Variants in MYO5B observed in about 807,000 individuals in gnomAD.
MYO5B encodes myosin VB.
Under a neutral mutation model 229.3 loss-of-function variants are expected in MYO5B, and 143 were observed. The ratio of observed to expected loss-of-function variants is 0.62; its 90% confidence interval spans 0.54 to 0.72. The LOEUF is 0.72. MYO5B is among the 30% of genes least tolerant of loss of function. The pLI, the probability that MYO5B is intolerant of heterozygous loss-of-function variation, is 0.00. For missense variants in MYO5B, 2,321 were observed against 2,331.0 expected (o/e 1.00, Z 0.09); for synonymous variants, 918 against 885.2 (o/e 1.04, Z -0.66).
intron 1 of MYO5B, among the ~76,000 whole-genome samples, chr18:50,062,985 A>G (rs72915732): frequency 0.082 from 12,536 of 152,194 alleles, 663 homozygotes; most frequent in East Asian, 0.22. Context: ...TTAGGATTAA[A>G]TAATGTATAT....
chr18:49,962,828 C>T, intron 11 of MYO5B, 121 bp downstream of exon 11: 1 of 883,226 alleles, frequency 1.1e-6, no homozygotes, highest in Non-Finnish European at 1.9e-6. Context: ...ACCAGGAAAA[C>T]CAAGGGATAT....
intron 1 of MYO5B, among the ~76,000 whole-genome samples, chr18:50,115,856 T>C (rs185128693): frequency 3.1e-3 from 477 of 152,260 alleles, no homozygotes; most frequent in Admixed American, 5.1e-3. Flanking sequence ...AGTTCTGGAT[T>C]TTTTTCATTG....
intron 1 of MYO5B, among the ~76,000 whole-genome samples, chr18:50,087,420 C>A (rs115655232): frequency 0.038 from 5,738 of 151,486 alleles, 358 homozygotes; most frequent in African/African-American, 0.13. Flanking sequence ...AATACAAAAA[C>A]AAGTTTTCCA....
chr18:50,022,154 G>C (rs1013299835), intron 4 of MYO5B, among the ~76,000 whole-genome samples: 3 of 137,494 alleles, frequency 2.2e-5, no homozygotes, highest in Non-Finnish European at 4.7e-5. Flanking sequence ...AGTTTCCCAA[G>C]CCAAAAACCC....
chr18:50,061,939 G>A (rs530208640), intron 1 of MYO5B, among the ~76,000 whole-genome samples: 5 of 152,242 alleles, frequency 3.3e-5, no homozygotes, highest in East Asian at 3.9e-4. Flanking sequence ...GGTTGAGCAG[G>A]GTTATCAATC....
intron 1 of MYO5B, among the ~76,000 whole-genome samples, chr18:50,073,963 G>C (rs2031019562): frequency 6.6e-6 from 1 of 152,046 alleles, no homozygotes; most frequent in Non-Finnish European, 1.5e-5. Flanking sequence ...TCCTCTCCTA[G>C]ACTGCTCCTT....
At chr18:50,003,888 G>A (rs936355245) in intron 4 of MYO5B, among the ~76,000 whole-genome samples, 3 of 152,202 alleles carry the variant, frequency 2.0e-5, no homozygotes, top group Admixed American at 6.5e-5. Flanking sequence ...CAGATGTCAG[G>A]AGGAAATGAA....
chr18:50,089,898 T>C (rs1221639171), intron 1 of MYO5B, among the ~76,000 whole-genome samples: 1 of 152,048 alleles, frequency 6.6e-6, no homozygotes, highest in African/African-American at 2.4e-5. Flanking sequence ...TGCATTTGCA[T>C]ATTAAAAGGC....
chr18:50,061,389 T>C (rs944170833), intron 1 of MYO5B, among the ~76,000 whole-genome samples: 61 of 152,320 alleles, frequency 4.0e-4, no homozygotes, highest in Admixed American at 2.0e-4. Flanking sequence ...TATACAGTTT[T>C]GTCGAGAAAT....
chr18:50,051,134 T>C (rs2030380995), intron 2 of MYO5B, among the ~76,000 whole-genome samples: 1 of 152,234 alleles, frequency 6.6e-6, no homozygotes, highest in South Asian at 2.1e-4. Context: ...CTATCTTTAT[T>C]TTTAAAATAG....
intron 16 of MYO5B, among the ~76,000 whole-genome samples, chr18:49,932,446 C>T (rs1203701768): frequency 6.6e-6 from 1 of 152,214 alleles, no homozygotes; most frequent in Non-Finnish European, 1.5e-5. Context: ...CAAATCCCCT[C>T]CCTTTGCCAC....
chr18:49,823,535 T>C lies in MYO5B; in HGVS notation c.*2936A>G, dbSNP rs2023798924. Reference sequence around the variant, plus strand: ...AAGCTCTAAGTAAATATTTGATGAATTGATGGTAGCAGTGTTGATTTTTAA... The same window carrying C: ...AAGCTCTAAGTAAATATTTGATGAACTGATGGTAGCAGTGTTGATTTTTAA... On this transcript the variant is annotated 3_prime_UTR_variant, in exon 40 of 40. Coordinates refer to ENST00000285039, the MANE Select transcript of MYO5B (RefSeq NM_001080467.3). 6.6e-6 allele frequency: 1 copy of C among 152,296 alleles called. No individual in the cohort carries two copies. The highest frequency in any genetic ancestry group is 1.5e-5 in the Non-Finnish European group (1 of 68,056). 9.4% of individuals were successfully genotyped at this position (152,296 alleles called of 1,614,324 possible).
chr18:50,001,314 C>T lies in MYO5B; in HGVS notation c.553G>A (p.Gly185Ser). Residue 185 changes from glycine to serine, a missense_variant, in exon 5 of 40, where the codon GGC (glycine) becomes AGC (serine). Gly to Ser is a moderately conservative substitution (Grantham distance 56). Transcript: ENST00000285039. ...TCGATGTTGGTTTCACTGGCCGAGC[C>T]ACCAACGGTGGCGAAATAGCGCATG... ...YAMRYFATVG[G>S]SASETNIEEK... 1 of 1,614,212 alleles carries T rather than the reference C, an allele frequency of 6.2e-7. No individual in the cohort carries two copies. The highest frequency in any genetic ancestry group is 8.5e-7 in the Non-Finnish European group (1 of 1,180,026).
At chr18:50,064,869 G>A (rs114656288) in intron 1 of MYO5B, among the ~76,000 whole-genome samples, 80 of 152,224 alleles carry the variant, frequency 5.3e-4, no homozygotes, top group African/African-American at 1.9e-3. Flanking sequence ...GTTATTTTAG[G>A]CTAAGTTCTC....
chr18:50,089,996 C>T (rs1020438056), intron 1 of MYO5B, among the ~76,000 whole-genome samples: 5 of 152,170 alleles, frequency 3.3e-5, no homozygotes, highest in Non-Finnish European at 5.9e-5. Context: ...AATCAAACAC[C>T]ACCTCCTTCA....
chr18:50,103,296 T>G (rs879424299), intron 1 of MYO5B, among the ~76,000 whole-genome samples: 1 of 152,246 alleles, frequency 6.6e-6, no homozygotes, highest in Non-Finnish European at 1.5e-5. Context: ...TTGTGTGGAT[T>G]CTACCAACCT....
chr18:49,952,322 C>T (rs1038628843), intron 14 of MYO5B, among the ~76,000 whole-genome samples: 1 of 152,190 alleles, frequency 6.6e-6, no homozygotes, highest in African/African-American at 2.4e-5. Flanking sequence ...GAGAAAGCCT[C>T]CTAAATCCTG....
intron 1 of MYO5B, among the ~76,000 whole-genome samples, chr18:50,163,361 C>T (rs1216351701): frequency 7.0e-5 from 10 of 143,498 alleles, no homozygotes; most frequent in Non-Finnish European, 1.5e-4. Flanking sequence ...GAGGGGCAAA[C>T]AAGGGCACCA....
chr18:50,040,866 A>C (rs2029995641), intron 2 of MYO5B, among the ~76,000 whole-genome samples: 1 of 152,220 alleles, frequency 6.6e-6, no homozygotes, highest in Non-Finnish European at 1.5e-5. Context: ...ACATATGTGC[A>C]TAACCAGGGA....
Sources: allele counts gnomAD v4.1 joint callset (sites outside exome capture counted in the v4.1 genomes callset), GRCh38; gene constraint gnomAD v4.1.1; transcripts MANE v1.5; gene names NCBI Gene and HGNC (gene_info 2026-07-23, HGNC 2026-07-21).